BRD4: variants seen among roughly 807,000 people sequenced by gnomAD.
BRD4 encodes the protein bromodomain containing 4, also known as bromodomain-containing protein 4.
A neutral mutation model predicts 142.1 loss-of-function variants in BRD4; 16 were observed. That is an observed-to-expected ratio of 0.11 (90% CI 0.08 to 0.17). The LOEUF is 0.17. Ranked by LOEUF, BRD4 falls within the 10% of genes least tolerant of loss-of-function variation. BRD4 has a pLI of 1.00. For synonymous variants in BRD4, 833 were observed against 707.5 expected, an observed-to-expected ratio of 1.18 and a Z score of -2.82; for missense variants, 1,424 against 1,810.9, an observed-to-expected ratio of 0.79 and a Z score of 3.88.
chr19:15,300,025 A>AGG (rs2047854546), intron 1 of BRD4, among the ~76,000 whole-genome samples: 1 of 152,164 alleles, frequency 6.6e-6, no homozygotes, highest in Admixed American at 6.5e-5. Context: ...TGAGAGGATC[A>AGG]CTTGAGCCCA....
At chr19:15,266,887 G>A (rs1205899857) in intron 4 of BRD4, among the ~76,000 whole-genome samples, 1 of 152,166 alleles carries the variant, frequency 6.6e-6, no homozygotes, top group African/African-American at 2.4e-5. Flanking sequence ...CTGCCAGCTG[G>A]CCCCTGGAAC....
intron 11 of BRD4, chr19:15,245,019 T>C (rs566100815): frequency 3.2e-6 from 2 of 616,300 alleles, no homozygotes; most frequent in African/African-American, 1.8e-5. Context: ...AAGCTTCAGA[T>C]CACCACGGTT....
intron 1 of BRD4, among the ~76,000 whole-genome samples, chr19:15,307,638 G>C (rs927181649): frequency 3.3e-5 from 5 of 152,180 alleles, no homozygotes; most frequent in Admixed American, 2.6e-4. Context: ...AAAAAAGCCT[G>C]GGCGCGGAAG....
intron 1 of BRD4, among the ~76,000 whole-genome samples, chr19:15,295,537 T>C (rs966909612): frequency 5.9e-5 from 9 of 152,344 alleles, no homozygotes; most frequent in African/African-American, 2.2e-4. Flanking sequence ...GCTGAGAAAC[T>C]AGATGCTTTC....
chr19:15,325,529 A>G (rs2048099526), intron 1 of BRD4, among the ~76,000 whole-genome samples: 1 of 152,224 alleles, frequency 6.6e-6, no homozygotes, highest in South Asian at 2.1e-4. Flanking sequence ...CACATTAAAA[A>G]AGACACATTT....
In BRD4 at chr19:15,265,703, C is replaced by G. The variant is rs2047527334; in HGVS notation, c.560-60G>C. 1.3e-5 allele frequency: 21 copies of G among 1,564,962 alleles called. No individual in the cohort carries two copies. The South Asian group carries it at 2.0e-4, about 15-fold the overall frequency. On this transcript the variant is annotated intron_variant, in intron 4 of 19. Coordinates refer to ENST00000679869, the MANE Select transcript of BRD4 (RefSeq NM_001379291.1). ...ATGCTGACATCCACATGCTGGCTGACCTCGTGGGGACATACACCACACACA... is the reference window on the plus strand; with the variant it reads ...ATGCTGACATCCACATGCTGGCTGAGCTCGTGGGGACATACACCACACACA...
chr19:15,261,883 C>T (rs1471463609), intron 7 of BRD4, among the ~76,000 whole-genome samples: 2 of 151,828 alleles, frequency 1.3e-5, no homozygotes, highest in African/African-American at 4.8e-5. Context: ...AATGACACCC[C>T]GTTTCCAAAA....
chr19:15,241,695 A>G (rs969140677), intron 14 of BRD4, among the ~76,000 whole-genome samples: 11 of 152,106 alleles, frequency 7.2e-5, no homozygotes, highest in Non-Finnish European at 1.5e-4. Flanking sequence ...CCTGCTTCGC[A>G]TGAGAACAGG....
intron 1 of BRD4, chr19:15,332,029 C>G (rs2048165815): frequency 7.0e-6 from 1 of 143,612 alleles, no homozygotes; most frequent in African/African-American, 2.5e-5. Flanking sequence ...CCGGGTCCGA[C>G]GGCACCAAAG....
chr19:15,238,869 TTGCTGC>T lies in BRD4; in HGVS notation c.3888_3893del (p.Gln1299_Gln1300del), dbSNP rs745340727. 3.7e-6 allele frequency: 6 copies of T among 1,600,326 alleles called. No individual in the cohort carries two copies. In the Admixed American group the frequency reaches 5.1e-5, roughly 14 times the overall value. ...CGGCAGCCACCGCAGCTGCTTGCTG[TTGCTGC>T]TGCTGCTGTTGCTCCTGGCGCTGCT... On this transcript the variant is annotated inframe_deletion, in exon 19 of 20. Coordinates refer to ENST00000679869, the MANE Select transcript of BRD4 (RefSeq NM_001379291.1). This position sits in a 1 kb window ranked among gnomAD's most constrained non-coding sequence, Gnocchi z 7.2.
intron 1 of BRD4, among the ~76,000 whole-genome samples, chr19:15,288,290 T>C (rs1345129452): frequency 6.6e-6 from 1 of 152,186 alleles, no homozygotes; most frequent in Admixed American, 6.5e-5. Flanking sequence ...CTGCAACTTA[T>C]TAAAAGGATT....
At chr19:15,329,501 G>C (rs1185709378) in intron 1 of BRD4, among the ~76,000 whole-genome samples, 3 of 152,162 alleles carry the variant, frequency 2.0e-5, no homozygotes, top group African/African-American at 7.2e-5. Context: ...AGTACTTTGG[G>C]AGGCCGAGGC....
In BRD4 at chr19:15,239,192, C is replaced by T. The variant is rs1220564612; in HGVS notation, c.3649G>A (p.Ala1217Thr). The T allele has an allele frequency of 1.2e-6, 2 of 1,613,206 alleles. No individual in the cohort carries two copies. The highest frequency in any genetic ancestry group is 2.2e-5 in the East Asian group (1 of 44,882). ...QKHPTTPSST[A>T]KSSSDSFEQF... ...TCGAAGCTGTCGCTGGATGACTTGG[C>T]TGTGGAGGAGGGGGTGGTCGGATGC... The change falls in exon 18 of 20, where the codon GCC becomes ACC. Residue 1217 changes from alanine to threonine, a missense_variant. By Grantham distance (58) the Ala-to-Thr change is moderately conservative. Transcript: ENST00000679869. The surrounding 1 kb of genome is among the most constrained non-coding windows in gnomAD (Gnocchi z 7.4).
intron 1 of BRD4, among the ~76,000 whole-genome samples, chr19:15,312,319 G>A (rs2047978320): frequency 6.6e-6 from 1 of 151,988 alleles, no homozygotes; most frequent in South Asian, 2.1e-4. Flanking sequence ...GCAATGTGGT[G>A]AGACCCCATC....
intron 1 of BRD4, among the ~76,000 whole-genome samples, chr19:15,309,039 AAAAT>A (rs943250851): frequency 4.7e-5 from 7 of 150,162 alleles, no homozygotes; most frequent in South Asian, 2.1e-4. Flanking sequence ...CAAACAAACA[AAAAT>A]AAAAACTTTA....
chr19:15,322,838 G>T (rs1295686603), intron 1 of BRD4, among the ~76,000 whole-genome samples: 1 of 142,842 alleles, frequency 7.0e-6, no homozygotes. Flanking sequence ...CTGCACTCTA[G>T]CCTGGGAGAT....
rs749884349 is a variant in BRD4 at position 15,256,941 on chromosome 19, A to G, written c.1551+23T>C. On this transcript the variant is annotated intron_variant, in intron 8 of 19. Coordinates refer to ENST00000679869, the MANE Select transcript of BRD4 (RefSeq NM_001379291.1). Reference sequence around the variant, plus strand: ...TGGTCCACGGACTCTGGGGATTAAGAATGGAGCCACCAATGCCCTCACCTG... The same window carrying G: ...TGGTCCACGGACTCTGGGGATTAAGGATGGAGCCACCAATGCCCTCACCTG... 8 of 1,540,698 alleles carry G rather than the reference A, an allele frequency of 5.2e-6. No individual in the cohort carries two copies. In the African/African-American group the frequency reaches 1.1e-4, roughly 21 times the overall value.
chr19:15,318,808 G>A (rs573792519), intron 1 of BRD4, among the ~76,000 whole-genome samples: 19 of 152,100 alleles, frequency 1.2e-4, no homozygotes, highest in South Asian at 2.1e-4. Context: ...CCTCATCTGC[G>A]GCCTTTGCAA....
chr19:15,253,871 GGGCTCCGCAGT>G, intron 11 of BRD4: 1 of 1,168,388 alleles, frequency 8.6e-7, no homozygotes, highest in Admixed American at 2.2e-5. Flanking sequence ...CCACCATCCA[GGGCTCCGCAGT>G]GTCAACGCCC....
Sources: allele counts gnomAD v4.1 joint callset (sites outside exome capture counted in the v4.1 genomes callset), GRCh38; gene constraint gnomAD v4.1.1; non-coding constraint Gnocchi (gnomAD v3.1); transcripts MANE v1.5; gene names NCBI Gene and HGNC (gene_info 2026-07-23, HGNC 2026-07-21).